SLC29A4: variants seen among roughly 807,000 people sequenced by gnomAD.
SLC29A4 encodes equilibrative nucleoside transporter 4.
A neutral mutation model predicts 43.9 loss-of-function variants in SLC29A4; 36 were observed. The observed-to-expected ratio is 0.82, with a 90% CI of 0.63 to 1.08. The LOEUF (loss-of-function observed/expected upper bound fraction) is 1.08, where lower values mean the gene tolerates loss of function less well. Among genes scored for constraint, SLC29A4 ranks in the 50% least tolerant of loss-of-function variants. SLC29A4 has a pLI of 0.00. For synonymous variants in SLC29A4, 491 were observed against 338.0 expected (o/e 1.45, Z -4.97); for missense variants, 869 against 755.3 (o/e 1.15, Z -1.77).
rs151039853 is a variant in SLC29A4, at chr7:5,290,818, A to C, written c.256A>C (p.Asn86His). The part of the protein sequence containing the change: ...LAGVGFLLPY[N>H]SFITDVDYLH... ...TGGCGTGGGCTTCCTGCTGCCATAC[A>C]ACAGCTTCATCACGGACGTGGACTA... The change falls in exon 3 of 11, where the codon AAC (asparagine) becomes CAC (histidine). Residue 86 changes from asparagine to histidine, a missense_variant. Physicochemically the swap from Asn to His is moderately conservative, Grantham distance 68. Coordinates refer to ENST00000396872, the MANE Select transcript of SLC29A4 (RefSeq NM_153247.4). 4 of 1,613,832 alleles carry C rather than the reference A, an allele frequency of 2.5e-6. No homozygotes were observed. The African/African-American group carries it at 5.3e-5, about 22-fold the overall frequency.
At chr7:5,285,501 C>T (rs1784891375) in intron 1 of SLC29A4, among the ~76,000 whole-genome samples, 1 of 152,238 alleles carries the variant, frequency 6.6e-6, no homozygotes, top group African/African-American at 2.4e-5. Flanking sequence ...GGCTTCAAAG[C>T]CCCAGTGAGG....
Position 5,300,631 on chromosome 7 carries a change from C to T in SLC29A4, c.1419C>T (p.Gly473=). The T allele has an allele frequency of 6.2e-7, 1 of 1,609,774 alleles. No individual in the cohort carries two copies. The highest frequency in any genetic ancestry group is 8.5e-7 in the Non-Finnish European group (1 of 1,178,674). Residue 473 remains glycine, a synonymous_variant, in exon 10 of 11, where the codon GGC becomes GGT. Coordinates refer to ENST00000396872, the MANE Select transcript of SLC29A4 (RefSeq NM_153247.4). ...GCGTGCCCATGATCCTGGCGGCAGGCAAAGTGAGCCCCAAGCAGCGGGAGC... is the reference window on the plus strand; with the variant it reads ...GCGTGCCCATGATCCTGGCGGCAGGTAAAGTGAGCCCCAAGCAGCGGGAGC... ...FGSVPMILAA[G]KVSPKQRELA...
chr7:5,298,403 C>A (rs1205159984), intron 7 of SLC29A4, among the ~76,000 whole-genome samples: 2 of 152,072 alleles, frequency 1.3e-5, no homozygotes, highest in African/African-American at 4.8e-5. Flanking sequence ...AGGGGAAAAG[C>A]AGAGAGGTCA....
intron 10 of SLC29A4, among the ~76,000 whole-genome samples, chr7:5,302,417 C>T (rs1333206362): frequency 6.6e-6 from 1 of 152,166 alleles, no homozygotes; most frequent in African/African-American, 2.4e-5. Flanking sequence ...GTGGTGCATG[C>T]CTGTGGTCCC....
At chr7:5,298,045 C>T (rs1479349808) in intron 7 of SLC29A4, among the ~76,000 whole-genome samples, 1 of 152,182 alleles carries the variant, frequency 6.6e-6, no homozygotes, top group East Asian at 1.9e-4. Flanking sequence ...AGGGTGAGGT[C>T]AGGAGTGCCA....
At chr7:5,297,937 A>C (rs1001267266) in intron 7 of SLC29A4, among the ~76,000 whole-genome samples, 2 of 152,140 alleles carry the variant, frequency 1.3e-5, no homozygotes, top group Non-Finnish European at 2.9e-5. Flanking sequence ...CTGGGCAGGC[A>C]GACGTCCTTG....
At chr7:5,297,279 C>G in intron 7 of SLC29A4, 81 bp downstream of exon 7, 2 of 1,409,670 alleles carry the variant, frequency 1.4e-6, no homozygotes, top group South Asian at 1.5e-5. Context: ...TACCTGGGGC[C>G]CAGCCTCTCA....
At chr7:5,284,293 A>G (rs1682444106) in intron 1 of SLC29A4, among the ~76,000 whole-genome samples, 1 of 152,036 alleles carries the variant, frequency 6.6e-6, no homozygotes, top group Non-Finnish European at 1.5e-5. Flanking sequence ...AGCAGTGTTA[A>G]GTGGCAGCTT....
rs747493694 is a variant in SLC29A4 at position 5,287,960 on chromosome 7, G to A, written c.144G>A (p.Arg48=). The change falls in exon 2 of 11, where the codon AGG becomes AGA. Residue 48 remains arginine, a synonymous_variant. Transcript: ENST00000396872. ...EAAQGQGLRA[R]GVPAFTDTTL... ...CTCAGGGCCAGGGCCTTAGGGCCAG[G>A]GGCGTCCCAGCTTTCACGGATACTA... is the stretch of plus-strand genomic sequence containing the variant. 1.5e-5 allele frequency: 24 copies of A among 1,609,704 alleles called. No individual in the cohort carries two copies. Among genetic ancestry groups the A allele is most frequent in the Non-Finnish European group, 2.0e-5 (24 of 1,179,172 alleles).
intron 7 of SLC29A4, 97 bp from the exon 8 acceptor site, chr7:5,298,891 G>A: frequency 1.4e-6 from 2 of 1,388,770 alleles, no homozygotes; most frequent in African/African-American, 1.4e-5. Context: ...GTCAGCGCCA[G>A]CCCCAGTGCG....
intron 10 of SLC29A4, 22 bp from the exon 11 acceptor site, chr7:5,302,775 C>G (rs1318815135): frequency 6.5e-7 from 1 of 1,545,732 alleles, no homozygotes; most frequent in Non-Finnish European, 8.7e-7. Context: ...CCCTGCTCCC[C>G]TCAGGCTGGT....
chr7:5,293,044 C>T (rs1305027341), intron 5 of SLC29A4, among the ~76,000 whole-genome samples: 2 of 151,700 alleles, frequency 1.3e-5, no homozygotes, highest in East Asian at 3.9e-4. Flanking sequence ...ACCCAACATC[C>T]TCTCTAGATT....
chr7:5,300,650 C>T lies in SLC29A4; in HGVS notation c.1438C>T (p.Arg480Trp), dbSNP rs148542712. 6 of 1,608,078 alleles carry T rather than the reference C, an allele frequency of 3.7e-6. No homozygotes were observed. The highest frequency in any genetic ancestry group is 2.2e-5 in the East Asian group (1 of 44,816). ...LAAGKVSPKQ[R>W]ELAGNTMTVS... is the part of the protein sequence containing the mutation. ...GGCAGGCAAAGTGAGCCCCAAGCAG[C>T]GGGAGCTGGCAGGTGAGGCCCGCGG... is the stretch of plus-strand genomic sequence containing the variant. The change falls in exon 10 of 11, where the codon CGG (arginine) becomes TGG (tryptophan). Residue 480 changes from arginine (R) to tryptophan (W), a missense_variant. Arg to Trp is a moderately radical substitution (Grantham distance 101). Coordinates refer to ENST00000396872, the MANE Select transcript of SLC29A4 (RefSeq NM_153247.4).
chr7:5,283,846 G>C (rs1401175713), intron 1 of SLC29A4, among the ~76,000 whole-genome samples: 2 of 152,212 alleles, frequency 1.3e-5, no homozygotes, highest in Non-Finnish European at 2.9e-5. Context: ...TTTCCAAGTG[G>C]AATTCGGTTC....
In SLC29A4 at chr7:5,303,049, C is replaced by G. The variant is rs1244216427; in HGVS notation, c.*110C>G. 1.0e-5 allele frequency: 13 copies of G among 1,303,008 alleles called. No individual in the cohort carries two copies. The highest frequency in any genetic ancestry group is 1.4e-5 in the Non-Finnish European group (13 of 956,470). The allele number at this position is 1,303,008 out of a possible 1,614,324, so 80.7% of individuals were successfully genotyped here. A position where few individuals can be genotyped will look rare whatever the true frequency, so the allele number is the denominator to read the frequency against. The stretch of plus-strand genomic sequence containing the variant: ...TGCCTGCGGGGCCCTGAGCCTCCCC[C>G]TGTGCCAGCAGCCCCACTCCCTCAG... On this transcript the variant is annotated 3_prime_UTR_variant, in exon 11 of 11. Transcript: ENST00000396872.
chr7:5,293,165 T>TG (rs1243193376), intron 5 of SLC29A4, among the ~76,000 whole-genome samples: 1 of 143,852 alleles, frequency 7.0e-6, no homozygotes, highest in East Asian at 2.0e-4. Flanking sequence ...TTTTTCTCTT[T>TG]TTTTTTTTTT....
intron 9 of SLC29A4, 44 bp from the exon 10 acceptor site, chr7:5,300,378 G>T: frequency 1.9e-6 from 3 of 1,608,362 alleles, no homozygotes; most frequent in Non-Finnish European, 2.5e-6. Context: ...AGGCGAGTGG[G>T]GCTGTGGCCG....
At chr7:5,297,234 GTCCCCTTC>G in intron 7 of SLC29A4, 36 bp downstream of exon 7, 1 of 316,282 alleles carries the variant, frequency 3.2e-6, no homozygotes, top group African/African-American at 9.3e-5. Flanking sequence ...TCCCTTCTCT[GTCCCCTTC>G]TCTGTCCCCA....
At chr7:5,289,296 C>A (rs773625063) in intron 2 of SLC29A4, among the ~76,000 whole-genome samples, 8 of 152,070 alleles carry the variant, frequency 5.3e-5, no homozygotes, top group Admixed American at 1.3e-4. Context: ...ACTTCAGAGG[C>A]TGAGACAGGA....
Sources: gnomAD v4.1 joint callset for allele counts (sites outside exome capture counted in the v4.1 genomes callset) on GRCh38, gnomAD v4.1.1 for gene constraint, MANE v1.5 for transcripts, NCBI Gene and HGNC (gene_info 2026-07-23, HGNC 2026-07-21) for gene names.